The following BCR variants were observed in gnomAD, a reference collection of about 807,000 sequenced individuals.
BCR encodes the protein breakpoint cluster region protein.
A neutral mutation model predicts 138.6 loss-of-function variants in BCR; 58 were observed. That is an observed-to-expected ratio of 0.42 (90% CI 0.34 to 0.52). BCR has a LOEUF of 0.52. Among genes scored for constraint, BCR ranks in the 20% least tolerant of loss-of-function variants. BCR has a pLI of 0.06. For synonymous variants in BCR, 786 were observed against 730.1 expected (o/e 1.08, Z -1.23); for missense variants, 1,599 against 1,727.2 (o/e 0.93, Z 1.32).
intron 1 of BCR, 76 bp downstream of exon 1, chr22:23,182,315 C>T (rs2072280286): frequency 1.4e-6 from 2 of 1,425,236 alleles, no homozygotes; most frequent in African/African-American, 1.4e-5. Flanking sequence ...GGATACAAAA[C>T]AGAAGTTGGG....
At chr22:23,288,287 G>A (rs2073740981) in intron 12 of BCR, 115 bp downstream of exon 12, 2 of 1,058,844 alleles carry the variant, frequency 1.9e-6, no homozygotes, top group African/African-American at 3.2e-5. Context: ...CAAGTGAAGT[G>A]TTGCATGGAG....
chr22:23,306,311 A>ACC (rs2073953966), intron 16 of BCR: 3 of 152,290 alleles, frequency 2.0e-5, no homozygotes, highest in Non-Finnish European at 4.4e-5. Context: ...AGCCCCACCC[A>ACC]GGGCTGCACA....
Position 23,315,435 on chromosome 22 carries a change from C to T in BCR, c.3729C>T (p.Val1243=), listed in dbSNP as rs2074059456. 2 of 1,613,628 alleles carry T rather than the reference C, an allele frequency of 1.2e-6. No homozygotes were observed. Among genetic ancestry groups the T allele is most frequent in the Non-Finnish European group, 1.7e-6 (2 of 1,179,928 alleles). ...TCTTCCCTACTCTGCCCGGGCAGGT[C>T]CAGGTGCTGCTGTACTTCCTGCAGC... ...DSWSLEVMSQ[V]QVLLYFLQLE... The change falls in exon 23 of 23, where the codon GTC becomes GTT. Residue 1243 remains valine (V), a splice_region_variant and synonymous_variant. Transcript: ENST00000305877.
rs1399310320 is a variant in BCR, at chr22:23,180,702, C to G, written c.-259C>G. On this transcript the variant is annotated 5_prime_UTR_variant, in exon 1 of 23. Coordinates refer to ENST00000305877, the MANE Select transcript of BCR (RefSeq NM_004327.4). ...GGAGCGGAGAGCAGCGCCCGCGCCT[C>G]GCCGTGCGGAGGAGCCCCGCACACA... is the stretch of plus-strand genomic sequence containing the variant. The G allele has an allele frequency of 6.7e-6, 1 of 150,054 alleles. No homozygotes were observed. The highest frequency in any genetic ancestry group is 2.4e-5 in the African/African-American group (1 of 40,994). The allele number at this position is 150,054 out of a possible 1,614,324, so 9.3% of individuals were successfully genotyped here. A position where few individuals can be genotyped will look rare whatever the true frequency, so the allele number is the denominator to read the frequency against.
At chr22:23,205,101 C>T (rs1385095103) in intron 1 of BCR, among the ~76,000 whole-genome samples, 1 of 152,226 alleles carries the variant, frequency 6.6e-6, no homozygotes, top group African/African-American at 2.4e-5. Context: ...GCAGGCCCCA[C>T]CTGGGATCAG....
chr22:23,211,190 C>CT lies in BCR; in HGVS notation c.1279+28958dup, dbSNP rs1490600023. On this transcript the variant is annotated intron_variant, in intron 1 of 22. Transcript: ENST00000305877. The stretch of plus-strand genomic sequence containing the variant: ...TTTGGTGACAGAGTTCTTAGAGCTT[C>CT]TTTTTTTATTTGTTTGTTTTTTGTT... Among the ~76,000 whole-genome samples the CT allele has an allele frequency of 3.3e-5, 5 of 152,086 alleles. No homozygotes were observed. In the East Asian group the frequency reaches 9.6e-4, roughly 29 times the overall value.
At chr22:23,271,629 T>C (rs1408395234) in intron 6 of BCR, 37 bp downstream of exon 6, 1 of 1,600,266 alleles carries the variant, frequency 6.2e-7, no homozygotes, top group African/African-American at 1.3e-5. Context: ...TGTGCCCTCG[T>C]CAGGGAGGCT....
intron 1 of BCR, among the ~76,000 whole-genome samples, chr22:23,189,456 T>A (rs1297342700): frequency 1.3e-5 from 2 of 152,152 alleles, no homozygotes; most frequent in African/African-American, 2.4e-5. Flanking sequence ...CAAGCAGGGC[T>A]TTGAAGTTCC....
At chr22:23,278,756 G>A (rs1478733700) in intron 8 of BCR, among the ~76,000 whole-genome samples, 1 of 152,180 alleles carries the variant, frequency 6.6e-6, no homozygotes, top group Non-Finnish European at 1.5e-5. Flanking sequence ...TTGGAAAACA[G>A]TTGGAGAAGC....
chr22:23,242,507 C>T (rs1490576623), intron 1 of BCR, among the ~76,000 whole-genome samples: 1 of 152,144 alleles, frequency 6.6e-6, no homozygotes, highest in South Asian at 2.1e-4. Flanking sequence ...ATGGCACGTC[C>T]TTCACTCTTT....
intron 13 of BCR, 122 bp downstream of exon 13, chr22:23,289,743 A>C: frequency 1.2e-6 from 1 of 858,684 alleles, no homozygotes; most frequent in Non-Finnish European, 1.9e-6. Flanking sequence ...TTCAGAAGGA[A>C]GAGCTATGCT....
chr22:23,268,548 C>T (rs755548491), intron 5 of BCR, 33 bp downstream of exon 5: 37 of 1,546,076 alleles, frequency 2.4e-5, no homozygotes, highest in South Asian at 3.4e-5. Context: ...ACAGGTGCAC[C>T]GCTGACTCCC....
At chr22:23,196,367 ACT>A (rs1357616014) in intron 1 of BCR, among the ~76,000 whole-genome samples, 1 of 152,080 alleles carries the variant, frequency 6.6e-6, no homozygotes, top group East Asian at 1.9e-4. Context: ...AGGTGGCGAG[ACT>A]CTGTGGATGG....
chr22:23,196,437 G>T (rs2072482693), intron 1 of BCR, among the ~76,000 whole-genome samples: 1 of 152,208 alleles, frequency 6.6e-6, no homozygotes, highest in Non-Finnish European at 1.5e-5. Context: ...TTTCTTAGGG[G>T]ACGAGGTTGT....
intron 9 of BCR, 83 bp from the exon 10 acceptor site, chr22:23,284,950 T>A: frequency 6.8e-7 from 1 of 1,473,660 alleles, no homozygotes; most frequent in Non-Finnish European, 9.3e-7. Flanking sequence ...CCGAGAACAC[T>A]GGCTCTTGGG....
chr22:23,224,205 A>G (rs1278981850), intron 1 of BCR, among the ~76,000 whole-genome samples: 1 of 152,196 alleles, frequency 6.6e-6, no homozygotes, highest in Non-Finnish European at 1.5e-5. Flanking sequence ...CTCCTGTCCC[A>G]AGTGGCTGCC....
At chr22:23,300,633 G>T (rs1009840637) in intron 16 of BCR, among the ~76,000 whole-genome samples, 3 of 152,190 alleles carry the variant, frequency 2.0e-5, no homozygotes, top group Admixed American at 2.0e-4. Context: ...CCCGAAAATG[G>T]GTGGACCTCA....
chr22:23,296,354 A>G (rs1258248215), intron 16 of BCR, among the ~76,000 whole-genome samples: 1 of 146,342 alleles, frequency 6.8e-6, no homozygotes, highest in Non-Finnish European at 1.5e-5. Flanking sequence ...AGCCTGGGTG[A>G]CAGAGCGAGA....
At chr22:23,297,308 C>T (rs2073858136) in intron 16 of BCR, among the ~76,000 whole-genome samples, 2 of 150,886 alleles carry the variant, frequency 1.3e-5, no homozygotes, top group South Asian at 2.1e-4. Context: ...TGCAACCTCC[C>T]GGGTTCAAGC....
Sources: gnomAD v4.1 joint callset for allele counts (sites outside exome capture counted in the v4.1 genomes callset) on GRCh38, gnomAD v4.1.1 for gene constraint, MANE v1.5 for transcripts, NCBI Gene and HGNC (gene_info 2026-07-23, HGNC 2026-07-21) for gene names.